The following TM4SF1 variants were observed in gnomAD, a reference collection of about 807,000 sequenced individuals.
TM4SF1 encodes transmembrane 4 L6 family member 1.
Under a neutral mutation model 24.5 loss-of-function variants are expected in TM4SF1, and 20 were observed. The observed-to-expected ratio is 0.82, with a 90% confidence interval of 0.57 to 1.19. The LOEUF is 1.19. Ranked by LOEUF, TM4SF1 falls within the 50% of genes most tolerant of loss-of-function variation. The pLI, the probability that TM4SF1 is intolerant of heterozygous loss-of-function variation, is 0.00. For synonymous variants in TM4SF1, 107 were observed against 95.4 expected (o/e 1.12, Z -0.71); for missense variants, 258 against 248.1 (o/e 1.04, Z -0.27).
rs142662530 is a variant in TM4SF1 at position 149,377,414 on chromosome 3, C to A, written c.134G>T (p.Arg45Leu). Residue 45 changes from arginine (R) to leucine (L), a missense_variant, in exon 1 of 5, where the codon CGC (arginine) becomes CTC (leucine). Coordinates refer to ENST00000305366, the MANE Select transcript of TM4SF1 (RefSeq NM_014220.3). ...TKYASENHLS[R>L]FVWFFSGIVG... ...GATGCCAGAAAAGAACCACACGAAG[C>A]GGCTGAGGTGGTTTTCGGAGGCATA... is the stretch of plus-strand genomic sequence containing the variant. 4.3e-6 allele frequency: 7 copies of A among 1,614,000 alleles called. No individual in the cohort carries two copies. Among genetic ancestry groups the A allele is most frequent in the South Asian group, 3.3e-5 (3 of 91,068 alleles).
Position 149,375,632 on chromosome 3 carries a change from C to T in TM4SF1, c.268-44G>A, listed in dbSNP as rs531491242. ...ACAGGAAGTGAGCCACAGAGTGCCA[C>T]AGCTACATCTTAGGAGTCATTTTCA... On this transcript the variant is annotated intron_variant, in intron 2 of 4. Coordinates refer to ENST00000305366, the MANE Select transcript of TM4SF1 (RefSeq NM_014220.3). 2.6e-4 allele frequency: 422 copies of T among 1,614,194 alleles called. 8 individuals carry two copies. In the South Asian group the frequency reaches 4.5e-3, roughly 17 times the overall value.
intron 3 of TM4SF1, 34 bp from the exon 4 acceptor site, chr3:149,371,901 T>C (rs1731832512): frequency 6.2e-7 from 1 of 1,606,666 alleles, no homozygotes; most frequent in African/African-American, 1.3e-5. Context: ...TGACACACGG[T>C]CATACTTGAG....
chr3:149,369,777 A>C lies in TM4SF1; in HGVS notation c.*89T>G. 6.5e-7 allele frequency: 1 copy of C among 1,549,452 alleles called. No homozygotes were observed. The highest frequency in any genetic ancestry group is 8.9e-7 in the Non-Finnish European group (1 of 1,129,876). On this transcript the variant is annotated 3_prime_UTR_variant, in exon 5 of 5. Transcript: ENST00000305366. ...TAGACTGTGGGGAGTATGTTACACTAATACAAAGTTTTACAAATGAATACA... is the reference window on the plus strand; with the variant it reads ...TAGACTGTGGGGAGTATGTTACACTCATACAAAGTTTTACAAATGAATACA...
At chr3:149,372,275 A>T (rs1731843167) in intron 3 of TM4SF1, among the ~76,000 whole-genome samples, 1 of 152,244 alleles carries the variant, frequency 6.6e-6, no homozygotes, top group Non-Finnish European at 1.5e-5. Context: ...AAAATAATTC[A>T]TGTGCTAAAG....
chr3:149,376,823 C>T (rs1731965285), intron 1 of TM4SF1, among the ~76,000 whole-genome samples: 1 of 152,218 alleles, frequency 6.6e-6, no homozygotes, highest in African/African-American at 2.4e-5. Context: ...CCACTATTAG[C>T]TTCAGACACC....
At chr3:149,375,405 G>A in intron 3 of TM4SF1, 38 bp downstream of exon 3, 1 of 1,609,860 alleles carries the variant, frequency 6.2e-7, no homozygotes, top group Admixed American at 1.7e-5. Flanking sequence ...ACATGTGGTG[G>A]ATAAAAATGT....
chr3:149,377,271 T>C, intron 1 of TM4SF1, 100 bp downstream of exon 1: 4 of 1,441,206 alleles, frequency 2.8e-6, no homozygotes, highest in Non-Finnish European at 3.7e-6. Context: ...AAAAGTCACT[T>C]GATTTAGAAA....
At chr3:149,373,292 G>T (rs765609956) in intron 3 of TM4SF1, among the ~76,000 whole-genome samples, 7 of 152,210 alleles carry the variant, frequency 4.6e-5, no homozygotes, top group Non-Finnish European at 1.0e-4. Flanking sequence ...CTAGGATTTA[G>T]TCGATTTTAT....
In TM4SF1 at chr3:149,369,709, G is replaced by A; in HGVS notation, c.*157C>T. The A allele has an allele frequency of 1.2e-6, 1 of 828,088 alleles. No homozygotes were observed. The highest frequency in any genetic ancestry group is 1.9e-6 in the Non-Finnish European group (1 of 532,866). The allele number at this position is 828,088 out of a possible 1,614,324, so 51.3% of individuals were successfully genotyped here. On this transcript the variant is annotated 3_prime_UTR_variant, in exon 5 of 5. Coordinates refer to ENST00000305366, the MANE Select transcript of TM4SF1 (RefSeq NM_014220.3). Reference sequence around the variant, plus strand: ...AAGAAGTTTACTAAATTTAAACACTGACATCCTGTGAAGATGCCAGTCTTT... The same window carrying A: ...AAGAAGTTTACTAAATTTAAACACTAACATCCTGTGAAGATGCCAGTCTTT...
At chr3:149,373,721 T>A (rs1188221022) in intron 3 of TM4SF1, among the ~76,000 whole-genome samples, 1 of 152,210 alleles carries the variant, frequency 6.6e-6, no homozygotes, top group East Asian at 1.9e-4. Context: ...TTATTTCCCA[T>A]ATTGAAATCC....
intron 3 of TM4SF1, among the ~76,000 whole-genome samples, chr3:149,375,216 A>AAAAG (rs745609144): frequency 2.0e-5 from 3 of 152,142 alleles, no homozygotes; most frequent in Admixed American, 1.3e-4. Context: ...GGGGGAAAAA[A>AAAAG]AAAGAAAGAA....
Position 149,369,953 on chromosome 3 carries a change from C to G in TM4SF1, c.595-73G>C, listed in dbSNP as rs150752067. On this transcript the variant is annotated intron_variant, in intron 4 of 4. Coordinates refer to ENST00000305366, the MANE Select transcript of TM4SF1 (RefSeq NM_014220.3). Reference sequence around the variant, plus strand: ...GATGACATTTTAGTCCTTTAAGTTCCTATTTTAAGCAAACATAAACAGACT... The same window carrying G: ...GATGACATTTTAGTCCTTTAAGTTCGTATTTTAAGCAAACATAAACAGACT... The G allele has an allele frequency of 1.0e-3, 1,575 of 1,537,224 alleles. 26 individuals are homozygous for G. The East Asian group carries it at 0.033, about 32-fold the overall frequency.
rs140965437 is a variant in TM4SF1 at position 149,377,517 on chromosome 3, C to G, written c.31G>C (p.Gly11Arg). MCYGKCARCI[G>R]HSLVGLALLC... ...AGGGCGAGCCCCACCAGAGAATGTC[C>G]GATGCATCGTGCACACTTCCCATAG... The change falls in exon 1 of 5, where the codon GGA becomes CGA. Residue 11 changes from glycine to arginine, a missense_variant. Coordinates refer to ENST00000305366, the MANE Select transcript of TM4SF1 (RefSeq NM_014220.3). 1.3e-5 allele frequency: 21 copies of G among 1,613,804 alleles called. No individual in the cohort carries two copies. The highest frequency in any genetic ancestry group is 1.7e-5 in the Non-Finnish European group (20 of 1,179,994).
Position 149,375,527 on chromosome 3 carries a change from A to G in TM4SF1, c.329T>C (p.Val110Ala), listed in dbSNP as rs1388442722. 2.5e-6 allele frequency: 4 copies of G among 1,614,252 alleles called. No individual in the cohort carries two copies. In the South Asian group the frequency reaches 4.4e-5, roughly 18 times the overall value. ...TCCTTCTGCTAAGCCAAGGGCTGCC[A>G]CAATGACACAGTAGCCAGATCCTGC... is the stretch of plus-strand genomic sequence containing the variant. ...GIAGSGYCVI[V>A]AALGLAEGPL... The change falls in exon 3 of 5, where the codon GTG becomes GCG. Residue 110 changes from valine to alanine, a missense_variant. Physicochemically the swap from Val to Ala is moderately conservative, Grantham distance 64. Transcript: ENST00000305366.
rs372569243 is a variant in TM4SF1 at position 149,377,554 on chromosome 3, C to T, written c.-7G>A. ...CACACTTCCCATAGCACATGGTGGTCTGCTAGGTTTTCTCCCCCTTCTCTT... is the reference window on the plus strand; with the variant it reads ...CACACTTCCCATAGCACATGGTGGTTTGCTAGGTTTTCTCCCCCTTCTCTT... On this transcript the variant is annotated 5_prime_UTR_variant, in exon 1 of 5. Transcript: ENST00000305366. 3 of 1,606,668 alleles carry T rather than the reference C, an allele frequency of 1.9e-6. No homozygotes were observed. Among genetic ancestry groups the T allele is most frequent in the Non-Finnish European group, 2.6e-6 (3 of 1,175,898 alleles).
intron 3 of TM4SF1, among the ~76,000 whole-genome samples, chr3:149,374,378 T>C (rs1576849173): frequency 6.6e-6 from 1 of 152,340 alleles, no homozygotes; most frequent in East Asian, 1.9e-4. Flanking sequence ...CTTGATAATA[T>C]AATTTGTTAT....
intron 2 of TM4SF1, 34 bp from the exon 3 acceptor site, chr3:149,375,622 C>T (rs762999754): frequency 1.8e-5 from 29 of 1,614,078 alleles, no homozygotes; most frequent in Non-Finnish European, 3.4e-6. Flanking sequence ...AAGTGAGCCA[C>T]AGAGTGCCAC....
At chr3:149,370,026 C>A in intron 4 of TM4SF1, 146 bp from the exon 5 acceptor site, 1 of 978,340 alleles carries the variant, frequency 1.0e-6, no homozygotes. Flanking sequence ...AGGGCTTGGA[C>A]AATGCTCACA....
rs1731768175 is a variant in TM4SF1 at position 149,369,446 on chromosome 3, T to C, written c.*420A>G. 6.2e-6 allele frequency: 1 copy of C among 162,006 alleles called. No homozygotes were observed. Among genetic ancestry groups the C allele is most frequent in the Non-Finnish European group, 1.3e-5 (1 of 75,452 alleles). The allele number at this position is 162,006 out of a possible 1,614,324, so 10.0% of individuals were successfully genotyped here. A position where few individuals can be genotyped will look rare whatever the true frequency, so the allele number is the denominator to read the frequency against. ...ATCATACAAGCAGTGAAAACAAAAA[T>C]CTTTCCAGGTTGTCGGATTTTCTCC... On this transcript the variant is annotated 3_prime_UTR_variant, in exon 5 of 5. Transcript: ENST00000305366.
Sources: gnomAD v4.1 joint callset for allele counts (sites outside exome capture counted in the v4.1 genomes callset) on GRCh38, gnomAD v4.1.1 for gene constraint, MANE v1.5 for transcripts, NCBI Gene and HGNC (gene_info 2026-07-23, HGNC 2026-07-21) for gene names.